Variants in CFAP54 observed in about 807,000 individuals in gnomAD.
CFAP54 encodes cilia- and flagella-associated protein 54.
Under a neutral mutation model 370.4 loss-of-function variants are expected in CFAP54, and 290 were observed. The ratio of observed to expected loss-of-function variants is 0.78; its 90% confidence interval spans 0.71 to 0.86. The LOEUF (loss-of-function observed/expected upper bound fraction) is 0.86, where lower values mean the gene tolerates loss of function less well. CFAP54 is among the 40% of genes least tolerant of loss of function. CFAP54 has a pLI of 0.00. For synonymous variants in CFAP54, 1,206 were observed against 1,236.5 expected, an observed-to-expected ratio of 0.98 and a Z score of 0.52; for missense variants, 3,399 against 3,528.7, an observed-to-expected ratio of 0.96 and a Z score of 0.93.
chr12:96,668,270 A>G (rs1016970608), intron 39 of CFAP54, among the ~76,000 whole-genome samples: 2 of 152,210 alleles, frequency 1.3e-5, no homozygotes, highest in African/African-American at 4.8e-5. Flanking sequence ...ATTTTCAGGT[A>G]TCTTTATAGC....
chr12:96,731,958 A>G (rs1440832709), intron 50 of CFAP54, among the ~76,000 whole-genome samples: 3 of 152,204 alleles, frequency 2.0e-5, no homozygotes, highest in Admixed American at 1.3e-4. Context: ...ACTTTAAAAC[A>G]GTAATTTGAA....
At chr12:96,619,574 T>C (rs1211748621) in intron 26 of CFAP54, among the ~76,000 whole-genome samples, 2 of 152,238 alleles carry the variant, frequency 1.3e-5, no homozygotes, top group Non-Finnish European at 2.9e-5. Flanking sequence ...TCTGGCATAC[T>C]CTGTTTCTGT....
At chr12:96,812,487 G>T (rs1958937545) in intron 64 of CFAP54, among the ~76,000 whole-genome samples, 1 of 151,546 alleles carries the variant, frequency 6.6e-6, no homozygotes, top group Non-Finnish European at 1.5e-5. Flanking sequence ...GTTTATTTTT[G>T]ACTCCATTGT....
At chr12:96,571,412 C>T (rs1028466481) in intron 19 of CFAP54, among the ~76,000 whole-genome samples, 3 of 152,206 alleles carry the variant, frequency 2.0e-5, no homozygotes, top group South Asian at 2.1e-4. Context: ...CCCTTTCCAT[C>T]GAGATTTCTT....
At chr12:96,731,922 C>G (rs539433811) in intron 50 of CFAP54, among the ~76,000 whole-genome samples, 6 of 152,206 alleles carry the variant, frequency 3.9e-5, no homozygotes, top group African/African-American at 1.4e-4. Context: ...CATTTTGATA[C>G]TACATTGGTG....
At chr12:96,695,600 A>C (rs1405033024) in intron 45 of CFAP54, among the ~76,000 whole-genome samples, 1 of 152,186 alleles carries the variant, frequency 6.6e-6, no homozygotes, top group East Asian at 1.9e-4. Context: ...GTTCTCTTCA[A>C]TATTGCAAAA....
intron 11 of CFAP54, 82 bp from the exon 12 acceptor site, chr12:96,535,433 A>T: frequency 2.5e-6 from 2 of 802,040 alleles, no homozygotes; most frequent in South Asian, 1.6e-5. Flanking sequence ...TTTTTTTAGC[A>T]TATTTGTGTT....
chr12:96,828,843 A>G (rs1959156919), intron 65 of CFAP54, among the ~76,000 whole-genome samples, 171 bp from the exon 66 acceptor site: 1 of 152,190 alleles, frequency 6.6e-6, no homozygotes, highest in Non-Finnish European at 1.5e-5. Context: ...TACAATTCAA[A>G]AAAGCCTAAT....
At chr12:96,667,474 C>A (rs1957095189) in intron 39 of CFAP54, among the ~76,000 whole-genome samples, 1 of 152,242 alleles carries the variant, frequency 6.6e-6, no homozygotes, top group African/African-American at 2.4e-5. Context: ...TGTGCACCTG[C>A]AGACTCAACA....
chr12:96,555,218 A>G (rs1469948138), intron 17 of CFAP54, among the ~76,000 whole-genome samples: 1 of 152,028 alleles, frequency 6.6e-6, no homozygotes, highest in East Asian at 1.9e-4. Context: ...GTGGGCTCAG[A>G]GTATTATGGG....
intron 64 of CFAP54, among the ~76,000 whole-genome samples, chr12:96,816,424 T>C (rs914651537): frequency 6.6e-6 from 1 of 152,220 alleles, no homozygotes; most frequent in Admixed American, 6.5e-5. Context: ...CAAGTAAACT[T>C]TAACAACAAA....
chr12:96,601,920 T>C (rs909961056), intron 26 of CFAP54, among the ~76,000 whole-genome samples: 1 of 152,214 alleles, frequency 6.6e-6, no homozygotes, highest in Non-Finnish European at 1.5e-5. Context: ...CCTGGATTCA[T>C]TGATTTTTTG....
chr12:96,490,876 A>G (rs577658904), intron 1 of CFAP54, among the ~76,000 whole-genome samples: 3 of 152,278 alleles, frequency 2.0e-5, no homozygotes, highest in East Asian at 1.9e-4. Flanking sequence ...AACAACCACT[A>G]AACAAATATG....
intron 9 of CFAP54, among the ~76,000 whole-genome samples, chr12:96,528,189 T>C (rs1307930145): frequency 1.3e-5 from 2 of 152,184 alleles, no homozygotes; most frequent in East Asian, 3.8e-4. Context: ...GATACCCTTT[T>C]GCAGATCACA....
rs542467578 is a variant in CFAP54, at chr12:96,513,315, C to G, written c.798+271C>G. On this transcript the variant is annotated intron_variant, in intron 5 of 67. Transcript: ENST00000524981. ...CTCTCAGATAGTCATGCTTGTCACG[C>G]TTGATAGTAAACATCCATCTGGTTG... Among the ~76,000 whole-genome samples, 9 of 152,294 alleles carry G rather than the reference C, an allele frequency of 5.9e-5. No individual in the cohort carries two copies. The South Asian group carries it at 1.9e-3, about 32-fold the overall frequency.
chr12:96,624,914 A>G (rs1262182209), intron 28 of CFAP54, among the ~76,000 whole-genome samples: 1 of 152,210 alleles, frequency 6.6e-6, no homozygotes, highest in Non-Finnish European at 1.5e-5. Context: ...ATCTTATTAT[A>G]TATATAAAGT....
intron 60 of CFAP54, among the ~76,000 whole-genome samples, chr12:96,766,184 A>G (rs2136673341): frequency 1.3e-5 from 2 of 152,342 alleles, no homozygotes; most frequent in South Asian, 4.1e-4. Context: ...GTTAATGTCT[A>G]ACGTCCCCCT....
rs558470015 is a variant in CFAP54, at chr12:96,521,138, C to G, written c.943-719C>G. On this transcript the variant is annotated intron_variant, in intron 6 of 67. Transcript: ENST00000524981. Reference sequence around the variant, plus strand: ...TTCTTTATTGGAAAATGTAACCCTTCATATATGTTAATATTTTGGTTGATC... The same window carrying G: ...TTCTTTATTGGAAAATGTAACCCTTGATATATGTTAATATTTTGGTTGATC... Among the ~76,000 whole-genome samples the G allele has an allele frequency of 1.7e-4, 26 of 152,156 alleles. No individual in the cohort carries two copies. The South Asian group carries it at 5.4e-3, about 32-fold the overall frequency.
At chr12:96,674,368 T>C (rs1440094615) in intron 39 of CFAP54, among the ~76,000 whole-genome samples, 1 of 148,062 alleles carries the variant, frequency 6.8e-6, no homozygotes, top group Non-Finnish European at 1.5e-5. Context: ...TTCTCCTCCT[T>C]CTTCTTTCTT....
Sources: gnomAD v4.1 joint callset for allele counts (sites outside exome capture counted in the v4.1 genomes callset) on GRCh38, gnomAD v4.1.1 for gene constraint, MANE v1.5 for transcripts, NCBI Gene and HGNC (gene_info 2026-07-23, HGNC 2026-07-21) for gene names.